Variants in RTN4RL1 observed in about 807,000 individuals in gnomAD.
RTN4RL1 encodes reticulon-4 receptor-like 1.
In RTN4RL1, 7 loss-of-function variants were observed where a neutral mutation model predicts 25.6. The observed-to-expected ratio is 0.27, with a 90% CI of 0.16 to 0.51. The LOEUF is 0.51. Ranked by LOEUF, RTN4RL1 falls within the 20% of genes least tolerant of loss-of-function variation. RTN4RL1 has a pLI of 0.97. For synonymous variants in RTN4RL1, 297 were observed against 288.2 expected, an observed-to-expected ratio of 1.03 and a Z score of -0.31; for missense variants, 500 against 615.6, an observed-to-expected ratio of 0.81 and a Z score of 1.99.
chr17:1,955,317 A>C (rs1329766735), intron 1 of RTN4RL1, among the ~76,000 whole-genome samples: 1 of 152,108 alleles, frequency 6.6e-6, no homozygotes, highest in African/African-American at 2.4e-5. Flanking sequence ...ATAATTTGGG[A>C]GGTCAAGGCA....
At chr17:1,954,294 T>A (rs77213540) in intron 1 of RTN4RL1, among the ~76,000 whole-genome samples, 2 of 152,278 alleles carry the variant, frequency 1.3e-5, no homozygotes, top group East Asian at 3.9e-4. Flanking sequence ...ACTCTGTGAT[T>A]TGGCTCAGAT....
At chr17:1,963,833 G>A (rs1234064608) in intron 1 of RTN4RL1, among the ~76,000 whole-genome samples, 2 of 152,130 alleles carry the variant, frequency 1.3e-5, no homozygotes, top group South Asian at 2.1e-4. Context: ...ACGGGTTCAC[G>A]CCATTCTCCT....
chr17:1,957,264 C>T (rs1349889807), intron 1 of RTN4RL1, among the ~76,000 whole-genome samples: 7 of 152,190 alleles, frequency 4.6e-5, no homozygotes, highest in Non-Finnish European at 1.0e-4. Context: ...GTTCTACACT[C>T]GGAAAATCAC....
chr17:1,999,905 G>A (rs540929575), intron 1 of RTN4RL1, among the ~76,000 whole-genome samples: 2 of 152,376 alleles, frequency 1.3e-5, no homozygotes, highest in Non-Finnish European at 2.9e-5. Context: ...GCCCAGAGCA[G>A]CTGGGGCAGG....
intron 1 of RTN4RL1, among the ~76,000 whole-genome samples, chr17:1,978,270 C>T (rs1332895965): frequency 6.6e-6 from 1 of 152,252 alleles, no homozygotes; most frequent in African/African-American, 2.4e-5. Flanking sequence ...TGCAAGCGGC[C>T]TCCAGGGTCC....
At chr17:1,962,550 C>A (rs180906040) in intron 1 of RTN4RL1, among the ~76,000 whole-genome samples, 255 of 151,594 alleles carry the variant, frequency 1.7e-3, no homozygotes, top group Middle Eastern at 3.4e-3. Flanking sequence ...GATTTAAAAT[C>A]ATCTTGTAAC....
chr17:1,946,774 GTC>G (rs1915555221), intron 1 of RTN4RL1, among the ~76,000 whole-genome samples: 1 of 145,220 alleles, frequency 6.9e-6, no homozygotes, highest in South Asian at 2.2e-4. Context: ...GTGATTGTGT[GTC>G]TGTGTGTGCA....
At chr17:2,005,048 G>T (rs1025457336) in intron 1 of RTN4RL1, among the ~76,000 whole-genome samples, 1 of 152,140 alleles carries the variant, frequency 6.6e-6, no homozygotes, top group East Asian at 1.9e-4. Flanking sequence ...CTCTGTTGCC[G>T]AGGTTAGAGT....
In RTN4RL1 at chr17:1,994,978, A is replaced by AGAT. The variant is rs1463740982; in HGVS notation, c.13+29872_13+29874dup. Among the ~76,000 whole-genome samples the AGAT allele has an allele frequency of 8.6e-5, 13 of 151,938 alleles. No homozygotes were observed. Among genetic ancestry groups the AGAT allele is most frequent in the Non-Finnish European group, 1.3e-4 (9 of 67,988 alleles). The stretch of plus-strand genomic sequence containing the variant: ...AAATGAGATGACAGAGGCTGTCAAC[A>AGAT]GATGGCCAGAAATACTCCCAAGGCC... On this transcript the variant is annotated intron_variant, in intron 1 of 1. Transcript: ENST00000331238. The surrounding 1 kb of genome is among the most constrained non-coding windows in gnomAD (Gnocchi z 4.3).
chr17:1,972,973 C>T (rs1177793482), intron 1 of RTN4RL1, among the ~76,000 whole-genome samples: 3 of 152,168 alleles, frequency 2.0e-5, no homozygotes, highest in Admixed American at 1.3e-4. Context: ...GCTGCTCCAG[C>T]GGGGATATCA....
At chr17:1,992,917 C>A (rs753547831) in intron 1 of RTN4RL1, among the ~76,000 whole-genome samples, 2 of 152,144 alleles carry the variant, frequency 1.3e-5, no homozygotes, top group Admixed American at 6.5e-5. Flanking sequence ...TGAATGGATG[C>A]GGCCTGAATG....
chr17:1,937,868 A>G, intron 1 of RTN4RL1, 60 bp from the exon 2 acceptor site: 1 of 1,315,472 alleles, frequency 7.6e-7, no homozygotes, highest in Non-Finnish European at 1.0e-6. Flanking sequence ...CTGGCACCGC[A>G]CCCTCCGGCG....
intron 1 of RTN4RL1, among the ~76,000 whole-genome samples, chr17:1,943,647 G>A (rs1915482623): frequency 6.6e-6 from 1 of 152,232 alleles, no homozygotes; most frequent in African/African-American, 2.4e-5. Flanking sequence ...CAGGCCGGCT[G>A]CACTTGGGGC....
intron 1 of RTN4RL1, among the ~76,000 whole-genome samples, chr17:1,982,594 T>A (rs1397965638): frequency 6.7e-6 from 1 of 149,944 alleles, no homozygotes; most frequent in Non-Finnish European, 1.5e-5. Flanking sequence ...AGCCTGGGGG[T>A]CAGAGCGAGA....
chr17:1,949,250 C>T (rs1393928789), intron 1 of RTN4RL1, among the ~76,000 whole-genome samples: 1 of 150,304 alleles, frequency 6.7e-6, no homozygotes, highest in African/African-American at 2.4e-5. Context: ...CGTGAGCCAC[C>T]GTGCCTGGCC....
At chr17:1,982,510 G>T (rs2066871607) in intron 1 of RTN4RL1, among the ~76,000 whole-genome samples, 1 of 151,304 alleles carries the variant, frequency 6.6e-6, no homozygotes, top group Non-Finnish European at 1.5e-5. Flanking sequence ...AGCTACTCGG[G>T]GGGCCAAGGC....
chr17:2,023,904 A>G (rs1319266864), intron 1 of RTN4RL1, among the ~76,000 whole-genome samples: 1 of 151,808 alleles, frequency 6.6e-6, no homozygotes, highest in Non-Finnish European at 1.5e-5. Flanking sequence ...GCGGCTTCTC[A>G]GCCTCCTGGC....
chr17:2,012,643 C>G (rs539222870), intron 1 of RTN4RL1, among the ~76,000 whole-genome samples: 1 of 151,692 alleles, frequency 6.6e-6, no homozygotes, highest in African/African-American at 2.4e-5. Context: ...CTTATGGTTA[C>G]AGAACAATAT....
intron 1 of RTN4RL1, among the ~76,000 whole-genome samples, chr17:1,972,039 G>A (rs2066822669): frequency 6.6e-6 from 1 of 151,594 alleles, no homozygotes; most frequent in Non-Finnish European, 1.5e-5. Context: ...TTGGGAGGGT[G>A]AGGTGGGAAG....
Sources: gnomAD v4.1 joint callset for allele counts (sites outside exome capture counted in the v4.1 genomes callset) on GRCh38, gnomAD v4.1.1 for gene constraint, Gnocchi (gnomAD v3.1) non-coding constraint, MANE v1.5 for transcripts, NCBI Gene and HGNC (gene_info 2026-07-23, HGNC 2026-07-21) for gene names.